Variants in HTT observed in about 807,000 individuals in gnomAD.
HTT encodes huntingtin, also known as huntington disease protein.
In HTT, 104 loss-of-function variants were observed where a neutral mutation model predicts 362.3. That is an observed-to-expected ratio of 0.29 (90% CI 0.24 to 0.34). HTT has a LOEUF of 0.34. Among genes scored for constraint, HTT ranks in the 10% least tolerant of loss-of-function variants. HTT has a pLI of 1.00. For missense variants in HTT, 3,301 were observed against 3,928.6 expected, an observed-to-expected ratio of 0.84 and a Z score of 4.27; for synonymous variants, 1,577 against 1,548.7, an observed-to-expected ratio of 1.02 and a Z score of -0.43.
intron 22 of HTT, among the ~76,000 whole-genome samples, chr4:3,141,162 G>A (rs1475853606): frequency 3.3e-5 from 5 of 152,148 alleles, no homozygotes; most frequent in Non-Finnish European, 5.9e-5. Flanking sequence ...TGCTTCTTAG[G>A]TGAGTGGGAC....
At chr4:3,209,042 G>A (rs1163606215) in intron 46 of HTT, 131 bp downstream of exon 46, 2 of 1,023,514 alleles carry the variant, frequency 2.0e-6, no homozygotes, top group Non-Finnish European at 2.8e-6. Flanking sequence ...GCTCAGTGAA[G>A]CTGTGGTTAG....
chr4:3,199,540 C>CAA (rs35872985), intron 40 of HTT, among the ~76,000 whole-genome samples, 192 bp from the exon 41 acceptor site: 3 of 111,392 alleles, frequency 2.7e-5, no homozygotes, highest in African/African-American at 3.4e-5. Context: ...AACTCTATCT[C>CAA]AAAAAAAAAA....
intron 29 of HTT, among the ~76,000 whole-genome samples, chr4:3,165,884 T>C (rs1408463917): frequency 6.6e-6 from 1 of 152,148 alleles, no homozygotes; most frequent in Non-Finnish European, 1.5e-5. Context: ...AAGTTTGTTA[T>C]TACCGACCTT....
chr4:3,106,623 C>T (rs1436234506), intron 5 of HTT, among the ~76,000 whole-genome samples: 1 of 152,210 alleles, frequency 6.6e-6, no homozygotes, highest in African/African-American at 2.4e-5. Flanking sequence ...TCTGTCACCT[C>T]AGACACCCTG....
intron 1 of HTT, among the ~76,000 whole-genome samples, chr4:3,078,499 A>G (rs1482066700): frequency 6.6e-6 from 1 of 152,220 alleles, no homozygotes; most frequent in Non-Finnish European, 1.5e-5. Flanking sequence ...TTCCAGCAAA[A>G]CCCAGAAAGC....
chr4:3,127,639 T>TA, intron 12 of HTT, 35 bp downstream of exon 12: 4 of 1,475,242 alleles, frequency 2.7e-6, no homozygotes, highest in Non-Finnish European at 3.7e-6. Context: ...TCTTTTTTTT[T>TA]ATTTTTTATT....
chr4:3,096,218 A>G (rs966510620), intron 2 of HTT, among the ~76,000 whole-genome samples: 5 of 152,262 alleles, frequency 3.3e-5, no homozygotes, highest in African/African-American at 7.2e-5. Flanking sequence ...CTACAGAGCT[A>G]AAATACATGA....
intron 1 of HTT, among the ~76,000 whole-genome samples, chr4:3,086,137 A>G (rs1449891373): frequency 6.6e-6 from 1 of 152,242 alleles, no homozygotes; most frequent in African/African-American, 2.4e-5. Context: ...CTATGCCATC[A>G]TCTTCTGTAC....
At chr4:3,078,947 G>A (rs1421390359) in intron 1 of HTT, among the ~76,000 whole-genome samples, 3 of 152,196 alleles carry the variant, frequency 2.0e-5, no homozygotes, top group Admixed American at 1.3e-4. Context: ...GTGTTAGCCA[G>A]GATGATCTTG....
rs1720071415 is a variant in HTT at position 3,209,990 on chromosome 4, C to T, written c.6414+41C>T. ...TGGAGGCAAGGAATCCTCAGCTTTT[C>T]TTGTGACTTCCAAGTGGGATTTGTC... On this transcript the variant is annotated intron_variant, in intron 47 of 66. Coordinates refer to ENST00000355072, the MANE Select transcript of HTT (RefSeq NM_001388492.1). 8 of 1,604,624 alleles carry T rather than the reference C, an allele frequency of 5.0e-6. No individual in the cohort carries two copies. The South Asian group carries it at 7.8e-5, about 16-fold the overall frequency.
chr4:3,239,927 C>T lies in HTT; in HGVS notation c.9297C>T (p.Tyr3099=). Residue 3099 remains tyrosine (Y), a synonymous_variant, in exon 67 of 67, where the codon TAC becomes TAT. Transcript: ENST00000355072. ...NLFCLVATDF[Y]RHQIEEELDR... is the part of the protein sequence containing the mutation. Reference sequence around the variant, plus strand: ...TCTGCCTGGTCGCCACAGACTTCTACAGACACCAGATAGAGGAGGAGCTCG... The same window carrying T: ...TCTGCCTGGTCGCCACAGACTTCTATAGACACCAGATAGAGGAGGAGCTCG... The T allele has an allele frequency of 1.3e-6, 2 of 1,580,036 alleles. No individual in the cohort carries two copies. The highest frequency in any genetic ancestry group is 1.7e-6 in the Non-Finnish European group (2 of 1,161,796).
At chr4:3,236,664 G>A (rs527777674) in intron 64 of HTT, among the ~76,000 whole-genome samples, 5 of 152,296 alleles carry the variant, frequency 3.3e-5, no homozygotes, top group South Asian at 4.1e-4. Context: ...GAGGGGGGCC[G>A]TGGTGCCTGT....
At chr4:3,128,161 G>T (rs1715613382) in intron 12 of HTT, among the ~76,000 whole-genome samples, 1 of 151,970 alleles carries the variant, frequency 6.6e-6, no homozygotes, top group Admixed American at 6.6e-5. Flanking sequence ...TCAAACTCCT[G>T]ACCTTAGATG....
At chr4:3,114,043 T>C (rs1272466989) in intron 6 of HTT, among the ~76,000 whole-genome samples, 1 of 152,208 alleles carries the variant, frequency 6.6e-6, no homozygotes, top group Non-Finnish European at 1.5e-5. Flanking sequence ...TACCCACATA[T>C]TTATTAATAG....
chr4:3,233,183 T>A lies in HTT; in HGVS notation c.8286T>A (p.Pro2762=). The A allele has an allele frequency of 6.3e-7, 1 of 1,590,020 alleles. No homozygotes were observed. Among genetic ancestry groups the A allele is most frequent in the Non-Finnish European group, 8.6e-7 (1 of 1,160,786 alleles). ...CCTAGGACAAGGCCGTGGCGGAGCC[T>A]GTCAGCCGCCTGCTGGAGAGCACGC... ...VLGMDKAVAE[P]VSRLLESTLR... The change falls in exon 61 of 67, where the codon CCT becomes CCA. Residue 2762 remains proline (P), a synonymous_variant. Coordinates refer to ENST00000355072, the MANE Select transcript of HTT (RefSeq NM_001388492.1).
intron 36 of HTT, among the ~76,000 whole-genome samples, chr4:3,181,312 G>A (rs1431445850): frequency 2.0e-5 from 3 of 152,156 alleles, no homozygotes; most frequent in Non-Finnish European, 4.4e-5. Context: ...GACAGTGTTG[G>A]TCAAGATGGT....
At chr4:3,133,022 A>G in intron 18 of HTT, 111 bp downstream of exon 18, 2 of 796,024 alleles carry the variant, frequency 2.5e-6, no homozygotes, top group East Asian at 2.5e-5. Flanking sequence ...TAAAGCTGTA[A>G]CCAGTAATAC....
At chr4:3,202,517 A>G (rs1370273132) in intron 41 of HTT, among the ~76,000 whole-genome samples, 2 of 152,216 alleles carry the variant, frequency 1.3e-5, no homozygotes, top group African/African-American at 2.4e-5. Context: ...ACATTGACAC[A>G]TAATTTACAA....
chr4:3,082,464 A>G (rs780457209), intron 1 of HTT, among the ~76,000 whole-genome samples: 3 of 152,226 alleles, frequency 2.0e-5, no homozygotes, highest in African/African-American at 4.8e-5. Flanking sequence ...AATTGGATCA[A>G]TTTGGGGGCT....
Sources: gnomAD v4.1 joint callset for allele counts (sites outside exome capture counted in the v4.1 genomes callset) on GRCh38, gnomAD v4.1.1 for gene constraint, MANE v1.5 for transcripts, NCBI Gene and HGNC (gene_info 2026-07-23, HGNC 2026-07-21) for gene names.